NBEA: variants seen among roughly 807,000 people sequenced by gnomAD.
NBEA encodes neurobeachin, also known as lysosomal-trafficking regulator 2.
NBEA carries 44 observed loss-of-function variants against 343.4 expected under a neutral mutation model. That is an observed-to-expected ratio of 0.13 (90% CI 0.10 to 0.16). NBEA has a LOEUF of 0.16. NBEA is among the 10% of genes least tolerant of loss of function. The probability of loss-of-function intolerance (pLI) is 1.00; values close to 1 mark genes in which losing one functional copy is unlikely to be tolerated. For synonymous variants in NBEA, 1,175 were observed against 1,238.7 expected (o/e 0.95, Z 1.08); for missense variants, 2,555 against 3,631.3 (o/e 0.70, Z 7.62).
At chr13:35,208,936 A>T in intron 32 of NBEA, 82 bp downstream of exon 32, 1 of 1,013,836 alleles carries the variant, frequency 9.9e-7, no homozygotes. Context: ...CTTAAAAATT[A>T]AAATACCCTA....
At chr13:35,374,835 C>T (rs57133881) in intron 38 of NBEA, among the ~76,000 whole-genome samples, 2,652 of 151,984 alleles carry the variant, frequency 0.017, 53 homozygotes, top group African/African-American at 0.044. Flanking sequence ...CATTTACTTA[C>T]GGTTTTCCTT....
intron 38 of NBEA, among the ~76,000 whole-genome samples, chr13:35,405,246 A>G (rs1594508324): frequency 1.3e-5 from 2 of 152,270 alleles, no homozygotes; most frequent in East Asian, 3.9e-4. Context: ...GCACTAGGAA[A>G]AGAGCATTAT....
At chr13:35,412,974 G>A (rs1236168646) in intron 38 of NBEA, among the ~76,000 whole-genome samples, 4 of 152,142 alleles carry the variant, frequency 2.6e-5, no homozygotes, top group Non-Finnish European at 4.4e-5. Context: ...TGAGTAGTGA[G>A]TAGATATGTG....
intron 38 of NBEA, among the ~76,000 whole-genome samples, chr13:35,372,862 C>T (rs1382989569): frequency 6.6e-6 from 1 of 152,058 alleles, no homozygotes; most frequent in Non-Finnish European, 1.5e-5. Flanking sequence ...GGCTGTTGGG[C>T]CACAGGGCAG....
rs375326051 is a variant in NBEA, at chr13:34,951,512, A to G, written c.294+8398A>G. On this transcript the variant is annotated intron_variant, in intron 1 of 58. Transcript: ENST00000379939. ...GACCTAACTGAAAGTGATCTGTCCT[A>G]TTTTAGCTTGGAGTACCTGAGCCTA... Among the ~76,000 whole-genome samples the G allele has an allele frequency of 7.2e-5, 11 of 152,280 alleles. 1 individual carries two copies. In the East Asian group the frequency reaches 1.9e-3, roughly 27 times the overall value.
chr13:35,073,714 G>T (rs1185737193), intron 10 of NBEA, among the ~76,000 whole-genome samples: 2 of 152,098 alleles, frequency 1.3e-5, no homozygotes, highest in African/African-American at 2.4e-5. Context: ...GCTGAGAGTG[G>T]TAGATTGCTT....
chr13:35,274,055 A>G (rs541423311), intron 34 of NBEA, among the ~76,000 whole-genome samples: 2 of 152,326 alleles, frequency 1.3e-5, no homozygotes, highest in Admixed American at 1.3e-4. Context: ...TGGCAGAGAC[A>G]CAACAAAAAA....
intron 10 of NBEA, among the ~76,000 whole-genome samples, chr13:35,091,066 G>C (rs1215478015): frequency 6.6e-6 from 1 of 151,906 alleles, no homozygotes; most frequent in African/African-American, 2.4e-5. Context: ...TCTTCACGTT[G>C]TTCTGTTATG....
At chr13:34,989,767 C>T (rs1007336878) in intron 1 of NBEA, among the ~76,000 whole-genome samples, 2 of 150,780 alleles carry the variant, frequency 1.3e-5, no homozygotes, top group African/African-American at 4.8e-5. Context: ...ACTCAAAAGT[C>T]GAAGTCCAAA....
chr13:35,080,367 G>T (rs1483605710), intron 10 of NBEA, among the ~76,000 whole-genome samples: 1 of 152,142 alleles, frequency 6.6e-6, no homozygotes, highest in Non-Finnish European at 1.5e-5. Context: ...TTACTTTACT[G>T]AGGATAGTAG....
chr13:35,067,275 G>A (rs1317011092), intron 8 of NBEA, among the ~76,000 whole-genome samples: 1 of 152,032 alleles, frequency 6.6e-6, no homozygotes, highest in Non-Finnish European at 1.5e-5. Flanking sequence ...GTTACCACTT[G>A]GAGTCGTTTC....
intron 34 of NBEA, among the ~76,000 whole-genome samples, chr13:35,285,335 C>T (rs1467141488): frequency 6.6e-6 from 1 of 151,962 alleles, no homozygotes; most frequent in Non-Finnish European, 1.5e-5. Context: ...CCAAAACAAA[C>T]AAAAAGATTA....
At chr13:35,482,439 T>G (rs950821292) in intron 41 of NBEA, among the ~76,000 whole-genome samples, 1 of 151,594 alleles carries the variant, frequency 6.6e-6, no homozygotes, top group African/African-American at 2.4e-5. Flanking sequence ...TACACCAATA[T>G]GTACTATTTC....
At chr13:35,442,013 A>G (rs1160264311) in intron 39 of NBEA, among the ~76,000 whole-genome samples, 1 of 152,058 alleles carries the variant, frequency 6.6e-6, no homozygotes, top group Non-Finnish European at 1.5e-5. Context: ...TACATGATGC[A>G]GGTTCCTTTC....
At chr13:35,212,106 A>C (rs896922113) in intron 33 of NBEA, among the ~76,000 whole-genome samples, 1 of 152,110 alleles carries the variant, frequency 6.6e-6, no homozygotes, top group African/African-American at 2.4e-5. Flanking sequence ...CACACTCATC[A>C]TCAACAAAGT....
chr13:35,672,419 A>G lies in NBEA; in HGVS notation c.*1428A>G, dbSNP rs555069403. On this transcript the variant is annotated 3_prime_UTR_variant, in exon 59 of 59. Transcript: ENST00000379939. ...ATTACTTATTTGTTATCCACCTTGT[A>G]CTAGTAAGTTTTAGCACTGAATTCC... is the stretch of plus-strand genomic sequence containing the variant. 1.3e-5 allele frequency: 2 copies of G among 152,770 alleles called. No homozygotes were observed. The highest frequency in any genetic ancestry group is 2.9e-5 in the Non-Finnish European group (2 of 68,026). The allele number at this position is 152,770 out of a possible 1,614,324, so 9.5% of individuals were successfully genotyped here.
intron 35 of NBEA, among the ~76,000 whole-genome samples, chr13:35,306,259 T>C (rs76308627): frequency 0.025 from 3,767 of 152,226 alleles, 160 homozygotes; most frequent in African/African-American, 0.086. Context: ...TTATGTATTA[T>C]ATTGTTCATC....
intron 44 of NBEA, among the ~76,000 whole-genome samples, chr13:35,556,671 GA>G (rs2079586288): frequency 6.6e-6 from 1 of 151,688 alleles, no homozygotes; most frequent in African/African-American, 2.4e-5. Context: ...TTCTTAATTT[GA>G]ACTCAAAAAT....
intron 36 of NBEA, among the ~76,000 whole-genome samples, chr13:35,326,254 C>G (rs2038552500): frequency 6.6e-6 from 1 of 152,080 alleles, no homozygotes; most frequent in Non-Finnish European, 1.5e-5. Context: ...GATATTCATT[C>G]TCCCAATCCA....
Sources: gnomAD v4.1 joint callset for allele counts (sites outside exome capture counted in the v4.1 genomes callset) on GRCh38, gnomAD v4.1.1 for gene constraint, MANE v1.5 for transcripts, NCBI Gene and HGNC (gene_info 2026-07-23, HGNC 2026-07-21) for gene names.